Variants in RBFOX1 observed in about 807,000 individuals in gnomAD.
RBFOX1 encodes RNA binding protein fox-1 homolog 1.
Under a neutral mutation model 57.7 loss-of-function variants are expected in RBFOX1, and 8 were observed. The observed-to-expected ratio is 0.14, with a 90% CI of 0.08 to 0.25. RBFOX1 has a LOEUF of 0.25. RBFOX1 is among the 10% of genes least tolerant of loss of function. The pLI is 1.00. For synonymous variants in RBFOX1, 326 were observed against 222.4 expected, an observed-to-expected ratio of 1.47 and a Z score of -4.15; for missense variants, 611 against 548.5, an observed-to-expected ratio of 1.11 and a Z score of -1.14.
chr16:7,658,600 T>C lies in RBFOX1; in HGVS notation c.890+4653T>C, dbSNP rs370603383. On this transcript the variant is annotated intron_variant, in intron 12 of 15. Coordinates refer to ENST00000550418, the MANE Select transcript of RBFOX1 (RefSeq NM_018723.4). Reference sequence around the variant, plus strand: ...GCTTTGGAGACAAACCCTGTAGACTTAGTATCTTTGATGTTAGAAAACAGC... The same window carrying C: ...GCTTTGGAGACAAACCCTGTAGACTCAGTATCTTTGATGTTAGAAAACAGC... 1.1e-3 allele frequency among the ~76,000 whole-genome samples: 174 copies of C among 152,210 alleles called. 4 individuals are homozygous for C. In the South Asian group the frequency reaches 0.035, roughly 31 times the overall value.
chr16:7,337,777 C>G (rs548043182), intron 4 of RBFOX1, among the ~76,000 whole-genome samples: 18 of 152,128 alleles, frequency 1.2e-4, no homozygotes, highest in Non-Finnish European at 2.5e-4. Context: ...CTCCACCTCC[C>G]AGGTTCAAGC....
intron 1 of RBFOX1, among the ~76,000 whole-genome samples, chr16:5,459,512 A>G (rs1228767313): frequency 1.3e-5 from 2 of 151,512 alleles, no homozygotes; most frequent in Non-Finnish European, 2.9e-5. Context: ...CCGCCTGACC[A>G]CTCTAAATGG....
chr16:5,911,430 C>A (rs2058600028), intron 4 of RBFOX1, among the ~76,000 whole-genome samples: 1 of 152,178 alleles, frequency 6.6e-6, no homozygotes, highest in South Asian at 2.1e-4. Flanking sequence ...TCCCTGGGGG[C>A]ACCATCCTAG....
At chr16:5,650,522 C>G (rs1166068850) in intron 3 of RBFOX1, among the ~76,000 whole-genome samples, 2 of 152,158 alleles carry the variant, frequency 1.3e-5, no homozygotes, top group South Asian at 2.1e-4. Context: ...ATAGGAAAAT[C>G]AATTCATTCT....
intron 1 of RBFOX1, among the ~76,000 whole-genome samples, chr16:6,067,007 C>G (rs1001505657): frequency 3.3e-5 from 5 of 152,084 alleles, no homozygotes; most frequent in African/African-American, 7.2e-5. Context: ...CCTGAACTAT[C>G]AACACGGCAC....
intron 5 of RBFOX1, among the ~76,000 whole-genome samples, chr16:7,533,111 G>C (rs909272167): frequency 6.6e-6 from 1 of 152,180 alleles, no homozygotes; most frequent in African/African-American, 2.4e-5. Flanking sequence ...ACTGCCTGTA[G>C]GGTTTTACCA....
intron 1 of RBFOX1, among the ~76,000 whole-genome samples, chr16:5,309,374 A>G (rs2064021985): frequency 6.6e-6 from 1 of 152,194 alleles, no homozygotes; most frequent in Non-Finnish European, 1.5e-5. Context: ...CTCCTCTCAG[A>G]CAAAACTAGG....
chr16:5,401,091 C>T (rs1052210440), intron 1 of RBFOX1, among the ~76,000 whole-genome samples: 1 of 151,872 alleles, frequency 6.6e-6, no homozygotes, highest in Non-Finnish European at 1.5e-5. Flanking sequence ...ATCAATATAT[C>T]TCAGGCTTTT....
chr16:7,548,893 TA>T (rs1249784766), intron 5 of RBFOX1, among the ~76,000 whole-genome samples: 5 of 152,162 alleles, frequency 3.3e-5, no homozygotes, highest in Admixed American at 1.3e-4. Context: ...ACATAGTCAC[TA>T]TGAAGACCTG....
At chr16:7,689,062 A>G (rs1568470440) in intron 14 of RBFOX1, among the ~76,000 whole-genome samples, 1 of 152,118 alleles carries the variant, frequency 6.6e-6, no homozygotes, top group Non-Finnish European at 1.5e-5. Flanking sequence ...TCCATGCCTC[A>G]GTTTCGTCAT....
chr16:7,286,385 T>C (rs2095651054), intron 4 of RBFOX1, among the ~76,000 whole-genome samples: 1 of 152,028 alleles, frequency 6.6e-6, no homozygotes, highest in Middle Eastern at 3.4e-3. Context: ...TAAAAGCCTA[T>C]CTTGTGAAAA....
At chr16:5,662,259 T>A (rs1285708793) in intron 3 of RBFOX1, among the ~76,000 whole-genome samples, 1 of 152,210 alleles carries the variant, frequency 6.6e-6, no homozygotes, top group African/African-American at 2.4e-5. Flanking sequence ...TGAACCATTT[T>A]AATTTCAGGA....
At chr16:5,501,753 A>T (rs1206226758) in intron 2 of RBFOX1, among the ~76,000 whole-genome samples, 1 of 152,086 alleles carries the variant, frequency 6.6e-6, no homozygotes, top group Non-Finnish European at 1.5e-5. Flanking sequence ...TTGCTCTGTC[A>T]CCCAGGCTGG....
intron 4 of RBFOX1, among the ~76,000 whole-genome samples, chr16:7,350,014 G>T (rs1461646466): frequency 6.6e-6 from 1 of 152,140 alleles, no homozygotes; most frequent in African/African-American, 2.4e-5. Context: ...TGGCATGATG[G>T]CGCATGCCTG....
At chr16:5,484,797 A>G (rs569170427) in intron 2 of RBFOX1, among the ~76,000 whole-genome samples, 3 of 152,066 alleles carry the variant, frequency 2.0e-5, no homozygotes, top group Non-Finnish European at 1.5e-5. Flanking sequence ...CTGTAGTCCC[A>G]GCTACTCAGG....
intron 3 of RBFOX1, among the ~76,000 whole-genome samples, chr16:6,710,694 C>A (rs969874380): frequency 6.6e-6 from 1 of 152,230 alleles, no homozygotes; most frequent in African/African-American, 2.4e-5. Context: ...TTTGGAAATT[C>A]CCCACATCAA....
chr16:5,259,565 T>G (rs544560177), intron 1 of RBFOX1, among the ~76,000 whole-genome samples: 1 of 152,208 alleles, frequency 6.6e-6, no homozygotes, highest in Non-Finnish European at 1.5e-5. Flanking sequence ...TTTCAGTGGG[T>G]GCTCAGTGGA....
intron 10 of RBFOX1, among the ~76,000 whole-genome samples, chr16:7,626,332 T>C (rs1439581918): frequency 1.3e-5 from 2 of 152,340 alleles, no homozygotes; most frequent in African/African-American, 2.4e-5. Flanking sequence ...TGGAGACTAC[T>C]GCTCAGCAGA....
intron 2 of RBFOX1, among the ~76,000 whole-genome samples, chr16:6,379,338 G>A (rs1172650584): frequency 6.6e-6 from 1 of 152,074 alleles, no homozygotes; most frequent in Non-Finnish European, 1.5e-5. Flanking sequence ...AATTAGGATG[G>A]CCACACATCC....
Sources: gnomAD v4.1 joint callset for allele counts (sites outside exome capture counted in the v4.1 genomes callset) on GRCh38, gnomAD v4.1.1 for gene constraint, MANE v1.5 for transcripts, NCBI Gene and HGNC (gene_info 2026-07-23, HGNC 2026-07-21) for gene names.